Variants in LTBP1 observed in about 807,000 individuals in gnomAD.
The protein encoded by LTBP1 is latent transforming growth factor beta binding protein 1.
Under a neutral mutation model 207.6 loss-of-function variants are expected in LTBP1, and 129 were observed. That is an observed-to-expected ratio of 0.62 (90% confidence interval 0.54 to 0.72). The LOEUF is 0.72. Among genes scored for constraint, LTBP1 ranks in the 30% least tolerant of loss-of-function variants. The pLI, the probability that LTBP1 is intolerant of heterozygous loss-of-function variation, is 0.00. For synonymous variants in LTBP1, 963 were observed against 833.7 expected (o/e 1.16, Z -2.67); for missense variants, 2,281 against 2,217.2 (o/e 1.03, Z -0.58).
chr2:33,216,259 A>G (rs2090694685), intron 7 of LTBP1, among the ~76,000 whole-genome samples: 1 of 152,134 alleles, frequency 6.6e-6, no homozygotes, highest in Admixed American at 6.5e-5. Context: ...AATTAAGGAG[A>G]TAGGGGAGGT....
intron 5 of LTBP1, among the ~76,000 whole-genome samples, chr2:33,184,590 A>G (rs1030520897): frequency 2.6e-5 from 4 of 152,108 alleles, no homozygotes; most frequent in African/African-American, 9.7e-5. Flanking sequence ...TGCAGTTCCA[A>G]AGGATTTATA....
intron 7 of LTBP1, among the ~76,000 whole-genome samples, chr2:33,195,378 C>A (rs1012417789): frequency 2.6e-5 from 4 of 152,046 alleles, no homozygotes; most frequent in African/African-American, 9.7e-5. Flanking sequence ...GTCAAAATAT[C>A]AGCATTAAAG....
At chr2:32,992,312 A>G (rs1369845424) in intron 2 of LTBP1, among the ~76,000 whole-genome samples, 3 of 152,180 alleles carry the variant, frequency 2.0e-5, no homozygotes, top group Non-Finnish European at 4.4e-5. Flanking sequence ...CAGCTGTGCT[A>G]GAAGAGCTTC....
Position 33,377,107 on chromosome 2 carries a change from T to A in LTBP1, c.4711+11604T>A, listed in dbSNP as rs528360536. Among the ~76,000 whole-genome samples the A allele has an allele frequency of 4.4e-4, 67 of 152,274 alleles. No homozygotes were observed. In the South Asian group the frequency reaches 0.012, roughly 28 times the overall value. On this transcript the variant is annotated intron_variant, in intron 31 of 33. Coordinates refer to ENST00000404816, the MANE Select transcript of LTBP1 (RefSeq NM_206943.4). ...CAAGGTGAGAATAGTTAAAATAAAA[T>A]TTTTAAAAACCCTGATAGAGGGGAA...
At chr2:33,252,453 A>G (rs79687246) in intron 10 of LTBP1, among the ~76,000 whole-genome samples, 8,409 of 152,286 alleles carry the variant, frequency 0.055, 781 homozygotes, top group African/African-American at 0.19. Context: ...AGAAGAGACC[A>G]GAGAGGGACA....
intron 2 of LTBP1, among the ~76,000 whole-genome samples, chr2:32,990,933 C>T (rs887955052): frequency 2.6e-5 from 4 of 152,116 alleles, no homozygotes; most frequent in Admixed American, 1.3e-4. Context: ...CATTGGCTCT[C>T]AGTGGACAGT....
At chr2:33,289,280 A>G (rs910189819) in intron 19 of LTBP1, among the ~76,000 whole-genome samples, 3 of 152,198 alleles carry the variant, frequency 2.0e-5, no homozygotes, top group Non-Finnish European at 2.9e-5. Context: ...GGTTTAATTA[A>G]TTCATTGAGT....
chr2:33,062,439 G>C (rs1397117870), intron 3 of LTBP1, among the ~76,000 whole-genome samples: 1 of 152,052 alleles, frequency 6.6e-6, no homozygotes, highest in East Asian at 1.9e-4. Context: ...TCTGTGTTTA[G>C]GTCTAGGATT....
intron 19 of LTBP1, among the ~76,000 whole-genome samples, chr2:33,289,715 A>G (rs763657756): frequency 6.6e-6 from 1 of 152,312 alleles, no homozygotes; most frequent in East Asian, 1.9e-4. Flanking sequence ...TTCCTAACAG[A>G]TAAAACGCAA....
chr2:33,200,884 C>A (rs1052985047), intron 7 of LTBP1, among the ~76,000 whole-genome samples: 8 of 152,202 alleles, frequency 5.3e-5, no homozygotes, highest in African/African-American at 1.7e-4. Flanking sequence ...AAATGCTCAT[C>A]ATCACTGGCC....
chr2:33,267,683 G>A (rs559367607), intron 15 of LTBP1, among the ~76,000 whole-genome samples: 1 of 152,312 alleles, frequency 6.6e-6, no homozygotes, highest in Non-Finnish European at 1.5e-5. Context: ...TTTTTTCAAT[G>A]TGAAGATAAA....
intron 19 of LTBP1, chr2:33,285,839 T>C (rs962864268): frequency 6.6e-6 from 1 of 151,742 alleles, no homozygotes; most frequent in Admixed American, 6.6e-5. Flanking sequence ...CTGCTTAGCT[T>C]CCAAGGTCAG....
At chr2:33,021,235 A>G (rs780827156) in intron 3 of LTBP1, 29 bp downstream of exon 3, 1 of 1,548,866 alleles carries the variant, frequency 6.5e-7, no homozygotes, top group Non-Finnish European at 8.8e-7. Flanking sequence ...CATTTAGCTA[A>G]GGATCATCTT....
chr2:33,109,262 G>C (rs2150240378), intron 3 of LTBP1, among the ~76,000 whole-genome samples: 1 of 152,294 alleles, frequency 6.6e-6, no homozygotes, highest in African/African-American at 2.4e-5. Flanking sequence ...TGGGTGGCTT[G>C]ACAATTTGCC....
Position 33,020,902 on chromosome 2 carries a change from T to C in LTBP1, c.566-7T>C. 1 of 1,561,964 alleles carries C rather than the reference T, an allele frequency of 6.4e-7. No homozygotes were observed. Among genetic ancestry groups the C allele is most frequent in the Non-Finnish European group, 8.7e-7 (1 of 1,149,054 alleles). On this transcript the variant is annotated splice_region_variant and splice_polypyrimidine_tract_variant and intron_variant, in intron 2 of 33. Transcript: ENST00000404816. ...TCAAAGCTGTGCCTTCTGTTTTCTT[T>C]CTGCAGCTAGCTGTGTTCCGCCATG...
intron 2 of LTBP1, among the ~76,000 whole-genome samples, chr2:32,963,319 C>G (rs1254203103): frequency 6.6e-6 from 1 of 152,200 alleles, no homozygotes; most frequent in Admixed American, 6.5e-5. Context: ...ATCCTCGTGC[C>G]TCAGCCCCCC....
chr2:33,106,535 T>C (rs2080077606), intron 3 of LTBP1, among the ~76,000 whole-genome samples: 1 of 152,218 alleles, frequency 6.6e-6, no homozygotes, highest in Non-Finnish European at 1.5e-5. Context: ...AGTTAACTTT[T>C]TTATACATCT....
Position 32,956,353 on chromosome 2 carries a change from CA to C in LTBP1, c.565+7409del, listed in dbSNP as rs60416787. Among the ~76,000 whole-genome samples, 1,516 of 152,304 alleles carry C rather than the reference CA, an allele frequency of 1.0e-2. 31 individuals carry two copies. The highest frequency in any genetic ancestry group is 0.035 in the African/African-American group (1,465 of 41,560). Reference sequence around the variant, plus strand: ...TTCTCAAACGCTACTGCTGCCTTATCATCTATGTTTATATAAAATTATAAAT... The same window carrying C: ...TTCTCAAACGCTACTGCTGCCTTATCTCTATGTTTATATAAAATTATAAAT... On this transcript the variant is annotated intron_variant, in intron 2 of 33. Coordinates refer to ENST00000404816, the MANE Select transcript of LTBP1 (RefSeq NM_206943.4).
intron 13 of LTBP1, 117 bp downstream of exon 13, chr2:33,259,727 G>T: frequency 2.1e-6 from 2 of 933,430 alleles, no homozygotes; most frequent in Non-Finnish European, 3.1e-6. Context: ...TGCATCATTT[G>T]GTTTGAGTTA....
Sources: allele counts gnomAD v4.1 joint callset (sites outside exome capture counted in the v4.1 genomes callset), GRCh38; gene constraint gnomAD v4.1.1; transcripts MANE v1.5; gene names NCBI Gene and HGNC (gene_info 2026-07-23, HGNC 2026-07-21).